Variants in NSD1 observed in about 807,000 individuals in gnomAD.
The protein encoded by NSD1 is histone-lysine N-methyltransferase, H3 lysine-36 specific.
A neutral mutation model predicts 242.7 loss-of-function variants in NSD1; 26 were observed. The ratio of observed to expected loss-of-function variants is 0.11; its 90% CI spans 0.08 to 0.15. The LOEUF is 0.15. NSD1 is among the 10% of genes least tolerant of loss of function. NSD1 has a pLI of 1.00. For missense variants in NSD1, 2,495 were observed against 3,272.8 expected (o/e 0.76, Z 5.80); for synonymous variants, 1,106 against 1,178.1 (o/e 0.94, Z 1.25).
In NSD1 at chr5:177,257,077, A is replaced by G. The variant is rs201857437; in HGVS notation, c.4892A>G (p.Lys1631Arg). The G allele has an allele frequency of 7.1e-5, 115 of 1,614,138 alleles. No homozygotes were observed. In the African/African-American group the frequency reaches 1.3e-3, roughly 18 times the overall value. ...QKYPPTVMQN[K>R]GFRCSLHICI... ...TACCCACCCACTGTTATGCAGAACA[A>G]GGGCTTCCGGTGCTCCCTCCACATC... The change falls in exon 13 of 23, where the codon AAG (lysine) becomes AGG (arginine). Residue 1631 changes from lysine to arginine, a missense_variant. By Grantham distance (26) the Lys-to-Arg change is conservative. This residue lies in a region of NSD1 where 32 missense variants were observed against 46.9 expected (regional missense o/e 0.68). Transcript: ENST00000439151.
Position 177,295,250 on chromosome 5 carries a change from G to A in NSD1, c.7882G>A (p.Gly2628Arg). The change falls in exon 23 of 23, where the codon GGA (glycine) becomes AGA (arginine). Residue 2628 changes from glycine (G) to arginine (R), a missense_variant. Physicochemically the swap from Gly to Arg is moderately radical, Grantham distance 125. This residue lies in a region of NSD1 where 475 missense variants were observed against 563.7 expected (regional missense o/e 0.84). Transcript: ENST00000439151. The surrounding 1 kb of genome is among the most constrained non-coding windows in gnomAD (Gnocchi z 4.3). ...CACAGAGCAAAGTCCCTGGGCCCTG[G>A]GAAAAGCCTCATCACGGGCAGGGCT... ...VTTEQSPWAL[G>R]KASSRAGLWP... 6.2e-7 allele frequency: 1 copy of A among 1,614,240 alleles called. No individual in the cohort carries two copies. The highest frequency in any genetic ancestry group is 8.5e-7 in the Non-Finnish European group (1 of 1,180,044).
chr5:177,230,449 A>T (rs1200880079), intron 5 of NSD1, among the ~76,000 whole-genome samples: 1 of 152,168 alleles, frequency 6.6e-6, no homozygotes, highest in Non-Finnish European at 1.5e-5. Context: ...AAGGAAATAG[A>T]GAGCTGGAGT....
chr5:177,187,311 G>T lies in NSD1; in HGVS notation c.928-4573G>T, dbSNP rs143065774. Among the ~76,000 whole-genome samples, 734 of 152,010 alleles carry T rather than the reference G, an allele frequency of 4.8e-3. 4 individuals are homozygous for T. The highest frequency in any genetic ancestry group is 8.3e-3 in the Non-Finnish European group (562 of 67,964). On this transcript the variant is annotated intron_variant, in intron 2 of 22. Coordinates refer to ENST00000439151, the MANE Select transcript of NSD1 (RefSeq NM_022455.5). ...GTAGAGATGGGGTTTCACCATGTTT[G>T]CCAGGCTGGTCTTGAACTCCTGACC...
chr5:177,188,383 T>C (rs1381795468), intron 2 of NSD1, among the ~76,000 whole-genome samples: 7 of 152,228 alleles, frequency 4.6e-5, no homozygotes, highest in Admixed American at 4.6e-4. Flanking sequence ...AAAGTATTAA[T>C]GTGTATTTAT....
At chr5:177,230,821 C>T (rs1242114708) in intron 5 of NSD1, among the ~76,000 whole-genome samples, 1 of 149,630 alleles carries the variant, frequency 6.7e-6, no homozygotes. Context: ...AGCGAGACTC[C>T]GACTCAAAAA....
chr5:177,265,802 T>C, intron 14 of NSD1: 1 of 1,402,120 alleles, frequency 7.1e-7, no homozygotes. Context: ...TCCGGTCCTC[T>C]TGTGGCAGTG....
At position 177,251,771 on chromosome 5, in the gene NSD1, G is replaced by C. The variant is rs775927151; in HGVS notation, c.4683G>C (p.Gln1561His). Reference sequence around the variant, plus strand: ...GTGAGCTGCTGTTATGTGAGGCTCAGTGCTGTGGGGCTTTCCACCTGGAGT... The same window carrying C: ...GTGAGCTGCTGTTATGTGAGGCTCACTGCTGTGGGGCTTTCCACCTGGAGT... The part of the protein sequence containing the change: ...KLGELLLCEA[Q>H]CCGAFHLECL... The change falls in exon 12 of 23, where the codon CAG becomes CAC. Residue 1561 changes from glutamine to histidine, a missense_variant. Physicochemically the swap from Gln to His is conservative, Grantham distance 24. This residue lies in a region of NSD1 where 5 missense variants were observed against 40.8 expected (regional missense o/e 0.12). Coordinates refer to ENST00000439151, the MANE Select transcript of NSD1 (RefSeq NM_022455.5). 1 of 1,614,206 alleles carries C rather than the reference G, an allele frequency of 6.2e-7. No homozygotes were observed.
rs1024025623 is a variant in NSD1 at position 177,247,797 on chromosome 5, G to A, written c.4498-384G>A. 7 of 516,254 alleles carry A rather than the reference G, an allele frequency of 1.4e-5. No individual in the cohort carries two copies. The East Asian group carries it at 4.5e-4, about 33-fold the overall frequency. 32.0% of individuals were successfully genotyped at this position (516,254 alleles called of 1,614,324 possible). A position where few individuals can be genotyped will look rare whatever the true frequency, so the allele number is the denominator to read the frequency against. On this transcript the variant is annotated intron_variant, in intron 10 of 22. Coordinates refer to ENST00000439151, the MANE Select transcript of NSD1 (RefSeq NM_022455.5). ...AAGTCAGGTCAGCATCACACATTAT[G>A]ATGCAGAATGTTTCTTTCCAGGACA...
At chr5:177,275,170 C>G (rs937484107) in intron 17 of NSD1, among the ~76,000 whole-genome samples, 54 of 151,832 alleles carry the variant, frequency 3.6e-4, no homozygotes, top group Non-Finnish European at 2.8e-4. Flanking sequence ...CGTTGTTTGT[C>G]AGAAATTCAG....
At chr5:177,151,790 C>T (rs1354298086) in intron 2 of NSD1, among the ~76,000 whole-genome samples, 3 of 151,956 alleles carry the variant, frequency 2.0e-5, no homozygotes, top group African/African-American at 7.2e-5. Flanking sequence ...CTCCCAGTCT[C>T]AAGCAATACC....
chr5:177,211,350 A>G lies in NSD1; in HGVS notation c.2951A>G (p.Asp984Gly), dbSNP rs775586772. The G allele has an allele frequency of 1.2e-6, 2 of 1,613,958 alleles. No individual in the cohort carries two copies. Among genetic ancestry groups the G allele is most frequent in the Non-Finnish European group, 1.7e-6 (2 of 1,179,978 alleles). ...GCCAATCCTAGCCCTAGTGGGGGTGACTCTGCATTATCTGGCGAGTTGTCT... is the reference window on the plus strand; with the variant it reads ...GCCAATCCTAGCCCTAGTGGGGGTGGCTCTGCATTATCTGGCGAGTTGTCT... ...NSANPSPSGG[D>G]SALSGELSAS... Residue 984 changes from aspartate to glycine, a missense_variant, in exon 5 of 23, where the codon GAC (aspartate) becomes GGC (glycine). Around this residue, in one of 19 missense-constraint regions of NSD1, gnomAD observed 426 missense variants for 411.4 expected, o/e 1.04. Coordinates refer to ENST00000439151, the MANE Select transcript of NSD1 (RefSeq NM_022455.5).
Position 177,135,646 on chromosome 5 carries a change from G to A in NSD1, c.543G>A (p.Glu181=). The change falls in exon 2 of 23, where the codon GAG becomes GAA. Residue 181 remains glutamate (E), a synonymous_variant. Coordinates refer to ENST00000439151, the MANE Select transcript of NSD1 (RefSeq NM_022455.5). ...EQPVTEDESI[E]EIFEETQTNA... ...CAGTCACAGAGGATGAGAGTATAGA[G>A]GAGATCTTTGAGGAAACTCAGACCA... The A allele has an allele frequency of 7.4e-6, 12 of 1,614,144 alleles. No individual in the cohort carries two copies. Among genetic ancestry groups the A allele is most frequent in the Non-Finnish European group, 1.0e-5 (12 of 1,180,014 alleles).
chr5:177,233,834 A>G (rs971017573), intron 5 of NSD1, among the ~76,000 whole-genome samples: 1 of 152,280 alleles, frequency 6.6e-6, no homozygotes, highest in East Asian at 1.9e-4. Context: ...TGTTTATGCC[A>G]TGTGCTTTCC....
At position 177,211,915 on chromosome 5, in the gene NSD1, G is replaced by A. The variant is rs1763375835; in HGVS notation, c.3516G>A (p.Lys1172=). ...ACCAAAGGCGCACTAAACCTCGTAA[G>A]CGCATGAACAGATTTAAAGAGAAAG... is the stretch of plus-strand genomic sequence containing the variant. The part of the protein sequence containing the change: ...RLNQRRTKPR[K]RMNRFKEKEN... The change falls in exon 5 of 23, where the codon AAG becomes AAA. Residue 1172 remains lysine, a synonymous_variant. Transcript: ENST00000439151. 3.1e-6 allele frequency: 5 copies of A among 1,606,238 alleles called. No homozygotes were observed. Among genetic ancestry groups the A allele is most frequent in the Non-Finnish European group, 4.3e-6 (5 of 1,176,304 alleles).
At chr5:177,196,116 G>A (rs1464309335) in intron 3 of NSD1, among the ~76,000 whole-genome samples, 1 of 152,104 alleles carries the variant, frequency 6.6e-6, no homozygotes, top group East Asian at 1.9e-4. Flanking sequence ...AGTTAACTAG[G>A]GAAGAGAGAA....
intron 2 of NSD1, among the ~76,000 whole-genome samples, chr5:177,191,651 G>A (rs1243506156): frequency 6.6e-6 from 1 of 152,092 alleles, no homozygotes; most frequent in Admixed American, 6.6e-5. Flanking sequence ...TCAAAATACG[G>A]ATAGATTCAT....
At chr5:177,234,587 G>T (rs1247774163) in intron 5 of NSD1, among the ~76,000 whole-genome samples, 1 of 152,096 alleles carries the variant, frequency 6.6e-6, no homozygotes, top group Non-Finnish European at 1.5e-5. Flanking sequence ...GTGGTGGCAG[G>T]CGCCTGTAAT....
chr5:177,208,406 A>G (rs114682885), intron 4 of NSD1, among the ~76,000 whole-genome samples: 2,555 of 152,198 alleles, frequency 0.017, 31 homozygotes, highest in Non-Finnish European at 0.027. Flanking sequence ...TTCAAATTTC[A>G]AGTTCCCTAG....
At position 177,275,192 on chromosome 5, in the gene NSD1, T is replaced by C. The variant is rs895889509; in HGVS notation, c.5622+1408T>C. Among the ~76,000 whole-genome samples the C allele has an allele frequency of 2.0e-5, 3 of 152,034 alleles. No homozygotes were observed. The East Asian group carries it at 5.8e-4, about 29-fold the overall frequency. Reference sequence around the variant, plus strand: ...TGTCAGAAATTCAGATTGAACTAGATGACTTGGATTTTTATTTGCTAAATC... The same window carrying C: ...TGTCAGAAATTCAGATTGAACTAGACGACTTGGATTTTTATTTGCTAAATC... On this transcript the variant is annotated intron_variant, in intron 17 of 22. Transcript: ENST00000439151.
Sources: allele counts gnomAD v4.1 joint callset (sites outside exome capture counted in the v4.1 genomes callset), GRCh38; gene constraint gnomAD v4.1.1; regional missense constraint gnomAD v4.1.1; non-coding constraint Gnocchi (gnomAD v3.1); transcripts MANE v1.5; gene names NCBI Gene and HGNC (gene_info 2026-07-23, HGNC 2026-07-21).